The following CELF2 variants were observed in gnomAD, a reference collection of about 807,000 sequenced individuals.
CELF2 encodes CUG triplet repeat RNA-binding protein 2.
A neutral mutation model predicts 62.6 loss-of-function variants in CELF2; 8 were observed. The ratio of observed to expected loss-of-function variants is 0.13; its 90% CI spans 0.07 to 0.23. The LOEUF (loss-of-function observed/expected upper bound fraction) is 0.23. Ranked by LOEUF, CELF2 falls within the 10% of genes least tolerant of loss-of-function variation. The pLI is 1.00. For missense variants in CELF2, 333 were observed against 671.0 expected, an observed-to-expected ratio of 0.50 and a Z score of 5.56; for synonymous variants, 258 against 250.0, an observed-to-expected ratio of 1.03 and a Z score of -0.30.
chr10:10,747,383 A>G, the CELF2 span, among the ~76,000 whole-genome samples: 1 of 152,208 alleles, frequency 6.6e-6, no homozygotes, highest in East Asian at 1.9e-4. Flanking sequence ...AGTGAAAGAG[A>G]CAAATAATAA....
chr10:11,177,300 A>C lies in CELF2; in HGVS notation c.271+11618A>C, dbSNP rs907268714. Among the ~76,000 whole-genome samples, 2 of 152,184 alleles carry C rather than the reference A, an allele frequency of 1.3e-5. No individual in the cohort carries two copies. The highest frequency in any genetic ancestry group is 1.5e-5 in the Non-Finnish European group (1 of 68,040). On this transcript the variant is annotated intron_variant, in intron 2 of 12. Coordinates refer to ENST00000633077, the MANE Select transcript of CELF2 (RefSeq NM_001326342.2). This position sits in a 1 kb window ranked among gnomAD's most constrained non-coding sequence, Gnocchi z 4.8. ...TCATGTAGTTAATGCAGCATGATGA[A>C]AGAAATAAAAGTCTCCTTATTTTTT...
intron 1 of CELF2, among the ~76,000 whole-genome samples, chr10:10,864,613 C>T (rs905905782): frequency 4.6e-5 from 7 of 152,098 alleles, no homozygotes; most frequent in African/African-American, 1.2e-4. Context: ...TTGGGGGAAG[C>T]GTTCTGGCTC....
At chr10:10,626,562 C>T in the CELF2 span, among the ~76,000 whole-genome samples, 2 of 152,056 alleles carry the variant, frequency 1.3e-5, no homozygotes, top group Non-Finnish European at 2.9e-5. Flanking sequence ...TCCCTCTAGG[C>T]TCTAGTCTTT....
At position 11,145,575 on chromosome 10, in the gene CELF2, G is replaced by T. The variant is rs998757016; in HGVS notation, c.75-19911G>T. Among the ~76,000 whole-genome samples the T allele has an allele frequency of 6.6e-6, 1 of 152,192 alleles. No individual in the cohort carries two copies. The highest frequency in any genetic ancestry group is 1.5e-5 in the Non-Finnish European group (1 of 68,044). On this transcript the variant is annotated intron_variant, in intron 1 of 12. Coordinates refer to ENST00000633077, the MANE Select transcript of CELF2 (RefSeq NM_001326342.2). The surrounding 1 kb of genome is among the most constrained non-coding windows in gnomAD (Gnocchi z 4.3). ...ATTCTCAAATCAGCTACTGAAAAGG[G>T]TGGGGACGCTGAAGGCAGGAAGTGG...
chr10:11,095,162 C>T (rs923540565), intron 1 of CELF2, among the ~76,000 whole-genome samples: 3 of 152,054 alleles, frequency 2.0e-5, no homozygotes, highest in African/African-American at 4.8e-5. Context: ...TGATACTTTG[C>T]GTAGGGGGTT....
intron 2 of CELF2, among the ~76,000 whole-genome samples, chr10:11,208,079 C>T (rs112142232): frequency 1.5e-4 from 23 of 152,134 alleles, no homozygotes; most frequent in African/African-American, 4.3e-4. Flanking sequence ...GGGTGCTCAT[C>T]GACTCGTGGT....
intron 2 of CELF2, among the ~76,000 whole-genome samples, chr10:10,941,113 A>G (rs775560870): frequency 2.0e-4 from 30 of 152,262 alleles, no homozygotes; most frequent in Non-Finnish European, 4.1e-4. Context: ...GCAGAAATGT[A>G]AAGTATCTGC....
upstream of CELF2, among the ~76,000 whole-genome samples, chr10:11,000,529 A>G (rs556717229): frequency 3.9e-5 from 6 of 152,242 alleles, no homozygotes; most frequent in African/African-American, 1.2e-4. Flanking sequence ...AACAGCTCCA[A>G]TTTGAAAATG....
intron 1 of CELF2, among the ~76,000 whole-genome samples, chr10:10,908,213 G>GGTTTTTTTT (rs1564802363): frequency 3.8e-4 from 10 of 26,532 alleles, no homozygotes; most frequent in African/African-American, 9.5e-4. Context: ...TGTATGAGGG[G>GGTTTTTTTT]ATTTTTTTTT....
intron 2 of CELF2, among the ~76,000 whole-genome samples, chr10:10,976,305 C>T (rs1271760190): frequency 3.3e-5 from 5 of 152,128 alleles, no homozygotes; most frequent in Non-Finnish European, 7.3e-5. Flanking sequence ...AATGACATTG[C>T]CAAAGTTACA....
the CELF2 span, among the ~76,000 whole-genome samples, chr10:10,564,518 A>G: frequency 6.6e-6 from 1 of 152,168 alleles, no homozygotes; most frequent in Non-Finnish European, 1.5e-5. Context: ...TGTAAAAGTC[A>G]CCAGGGACAA....
chr10:10,601,348 TAGA>T, the CELF2 span, among the ~76,000 whole-genome samples: 8 of 152,318 alleles, frequency 5.3e-5, no homozygotes, highest in African/African-American at 9.6e-5. Context: ...AAGAAGAGGT[TAGA>T]AGAAGATTTT....
intron 3 of CELF2, among the ~76,000 whole-genome samples, chr10:11,231,055 G>A (rs1319386358): frequency 6.6e-6 from 1 of 152,190 alleles, no homozygotes; most frequent in East Asian, 1.9e-4. Context: ...ATATACTATT[G>A]CCTGATGAGG....
rs2060728126 is a variant in CELF2, at chr10:11,207,542, G to A, written c.272-9883G>A. On this transcript the variant is annotated intron_variant, in intron 2 of 12. Transcript: ENST00000633077. This position sits in a 1 kb window ranked among gnomAD's most constrained non-coding sequence, Gnocchi z 4.1. ...CTGCGAGGAATCTTGCAGGGAAAGT[G>A]AGGAAGGATGTTGGTGGAGCATCGC... 6.6e-6 allele frequency among the ~76,000 whole-genome samples: 1 copy of A among 152,272 alleles called. No individual in the cohort carries two copies. The highest frequency in any genetic ancestry group is 1.5e-5 in the Non-Finnish European group (1 of 68,044).
chr10:10,746,983 T>C, the CELF2 span, among the ~76,000 whole-genome samples: 1 of 152,224 alleles, frequency 6.6e-6, no homozygotes, highest in Non-Finnish European at 1.5e-5. Context: ...GAGAACTGGA[T>C]GGTATCTGAG....
chr10:11,200,231 G>C (rs2135177029), intron 2 of CELF2, among the ~76,000 whole-genome samples: 1 of 152,284 alleles, frequency 6.6e-6, no homozygotes, highest in East Asian at 1.9e-4. Context: ...CTACGAATTT[G>C]TTAGGGGTTG....
In CELF2 at chr10:11,268,373, GA is replaced by G. The variant is rs2082736431; in HGVS notation, c.618+1699del. 6.6e-6 allele frequency among the ~76,000 whole-genome samples: 1 copy of G among 152,084 alleles called. No individual in the cohort carries two copies. The highest frequency in any genetic ancestry group is 2.4e-5 in the African/African-American group (1 of 41,386). ...CCTCAATTCTTCAGTGTTTCTGTTAGAAACATTACGATCCCCATTCCTTCCC... is the reference window on the plus strand; with the variant it reads ...CCTCAATTCTTCAGTGTTTCTGTTAGAACATTACGATCCCCATTCCTTCCC... On this transcript the variant is annotated intron_variant, in intron 6 of 12. Coordinates refer to ENST00000633077, the MANE Select transcript of CELF2 (RefSeq NM_001326342.2). This position sits in a 1 kb window ranked among gnomAD's most constrained non-coding sequence, Gnocchi z 4.7.
intron 1 of CELF2, among the ~76,000 whole-genome samples, chr10:11,099,461 T>C (rs1483399406): frequency 2.0e-5 from 3 of 152,208 alleles, no homozygotes; most frequent in Non-Finnish European, 4.4e-5. Flanking sequence ...GTCGATTCTT[T>C]TCTTCTTCTG....
chr10:10,612,424 A>T, the CELF2 span, among the ~76,000 whole-genome samples: 1 of 152,182 alleles, frequency 6.6e-6, no homozygotes, highest in Non-Finnish European at 1.5e-5. Flanking sequence ...CCGTCACCAA[A>T]TAATTGTTAA....
Sources: allele counts gnomAD v4.1 joint callset (sites outside exome capture counted in the v4.1 genomes callset), GRCh38; gene constraint gnomAD v4.1.1; non-coding constraint Gnocchi (gnomAD v3.1); transcripts MANE v1.5; gene names NCBI Gene and HGNC (gene_info 2026-07-23, HGNC 2026-07-21).